UST: variants seen among roughly 807,000 people sequenced by gnomAD.
UST encodes chondroitin sulfate 2-O-sulfotransferase.
UST carries 21 observed loss-of-function variants against 45.6 expected under a neutral mutation model. The ratio of observed to expected loss-of-function variants is 0.46; its 90% CI spans 0.33 to 0.66. The LOEUF is 0.66. UST is among the 30% of genes least tolerant of loss of function. The pLI is 0.02. For synonymous variants in UST, 215 were observed against 200.6 expected, an observed-to-expected ratio of 1.07 and a Z score of -0.61; for missense variants, 463 against 512.4, an observed-to-expected ratio of 0.90 and a Z score of 0.93.
At chr6:148,788,487 T>C (rs967108863) in intron 1 of UST, among the ~76,000 whole-genome samples, 1 of 152,204 alleles carries the variant, frequency 6.6e-6, no homozygotes, top group Non-Finnish European at 1.5e-5. Context: ...AGAAATTTCT[T>C]TAAAAAATGC....
chr6:148,867,700 C>T (rs1292358378), intron 1 of UST, among the ~76,000 whole-genome samples: 1 of 152,116 alleles, frequency 6.6e-6, no homozygotes, highest in Non-Finnish European at 1.5e-5. Context: ...TCACCTTCCG[C>T]CCTGATTGTG....
rs949924982 is a variant in UST, at chr6:149,075,378, GTA to G, written c.*1263_*1264del. The G allele has an allele frequency of 7.2e-5, 11 of 152,126 alleles. No homozygotes were observed. Among genetic ancestry groups the G allele is most frequent in the African/African-American group, 2.2e-4 (9 of 41,404 alleles). 9.4% of individuals were successfully genotyped at this position (152,126 alleles called of 1,614,324 possible). A position where few individuals can be genotyped will look rare whatever the true frequency, so the allele number is the denominator to read the frequency against. ...CGAGAACTACCTGAGTTCTGTGCAG[GTA>G]GAGTCCCATTTCTTATGGGACCTGT... On this transcript the variant is annotated 3_prime_UTR_variant, in exon 8 of 8. Coordinates refer to ENST00000367463, the MANE Select transcript of UST (RefSeq NM_005715.3).
intron 1 of UST, among the ~76,000 whole-genome samples, chr6:148,779,276 G>A (rs1369772868): frequency 1.3e-5 from 2 of 152,172 alleles, no homozygotes; most frequent in African/African-American, 4.8e-5. Flanking sequence ...ATGAAATACA[G>A]TCTTGAGGAG....
At chr6:148,956,319 G>A (rs1314680026) in intron 4 of UST, among the ~76,000 whole-genome samples, 2 of 152,156 alleles carry the variant, frequency 1.3e-5, no homozygotes, top group Non-Finnish European at 2.9e-5. Flanking sequence ...AGTTCCACGT[G>A]GCTGGGGAGG....
At chr6:148,946,177 T>C (rs1043719112) in intron 3 of UST, among the ~76,000 whole-genome samples, 7 of 152,184 alleles carry the variant, frequency 4.6e-5, no homozygotes, top group Non-Finnish European at 8.8e-5. Context: ...GTCTACAGGC[T>C]ACAGGGATCC....
Position 148,747,634 on chromosome 6 carries a change from CG to C in UST, c.209del (p.Gly70AspfsTer41). On this transcript the variant is annotated frameshift_variant, in exon 1 of 8. Coordinates refer to ENST00000367463, the MANE Select transcript of UST (RefSeq NM_005715.3). LOFTEE classifies it high-confidence loss of function. ...TGGGCTCCCTCCTCTATCAGCTCAGCGGGGGACCCCCTCGCTTCCTGCTCGA... is the reference window on the plus strand; with the variant it reads ...TGGGCTCCCTCCTCTATCAGCTCAGCGGGGACCCCCTCGCTTCCTGCTCGA... ...CLGSLLYQLS[G>X]GPPRFLLDLR... The C allele has an allele frequency of 6.2e-7, 1 of 1,600,012 alleles. No homozygotes were observed. The highest frequency in any genetic ancestry group is 1.4e-5 in the African/African-American group (1 of 73,716).
At chr6:148,926,325 A>C (rs1297908184) in intron 2 of UST, among the ~76,000 whole-genome samples, 3 of 152,362 alleles carry the variant, frequency 2.0e-5, no homozygotes, top group African/African-American at 7.2e-5. Context: ...GAATAAAATT[A>C]GCAAAAAATT....
intron 1 of UST, among the ~76,000 whole-genome samples, chr6:148,826,566 T>C (rs548639852): frequency 6.6e-6 from 1 of 152,378 alleles, no homozygotes; most frequent in East Asian, 1.9e-4. Context: ...TCTTCCTAGA[T>C]ACCTAAACTT....
At chr6:148,926,546 A>G (rs561108868) in intron 2 of UST, among the ~76,000 whole-genome samples, 1 of 152,302 alleles carries the variant, frequency 6.6e-6, no homozygotes, top group South Asian at 2.1e-4. Flanking sequence ...CATGGCCCTC[A>G]TGCTTCTTGC....
chr6:149,019,057 T>C (rs1775944264), intron 5 of UST, 82 bp from the exon 6 acceptor site: 2 of 1,063,134 alleles, frequency 1.9e-6, no homozygotes, highest in Non-Finnish European at 2.9e-6. Context: ...AATTCAATCA[T>C]GAATTTTACT....
chr6:148,961,320 G>C (rs1024076950), intron 4 of UST, among the ~76,000 whole-genome samples: 2 of 152,136 alleles, frequency 1.3e-5, no homozygotes, highest in Non-Finnish European at 2.9e-5. Context: ...AGGGTATGTT[G>C]TTGAACAAAA....
Position 149,043,009 on chromosome 6 carries a change from TTCTTTCTTTCTTTTTC to T in UST, c.937+21530_937+21545del, listed in dbSNP as rs1180946737. ...TTTCTTTCTTTCTTTCTTTCTTTCTTTCTTTCTTTCTTTTTCTTTCTTTCTTTCTTTCTTTCCTTCT... is the reference window on the plus strand; with the variant it reads ...TTTCTTTCTTTCTTTCTTTCTTTCTTTTTCTTTCTTTCTTTCTTTCCTTCT... On this transcript the variant is annotated intron_variant, in intron 7 of 7. Coordinates refer to ENST00000367463, the MANE Select transcript of UST (RefSeq NM_005715.3). Among the ~76,000 whole-genome samples, 672 of 118,588 alleles carry T rather than the reference TTCTTTCTTTCTTTTTC, an allele frequency of 5.7e-3. 7 individuals are homozygous for T. Among genetic ancestry groups the T allele is most frequent in the African/African-American group, 0.024 (624 of 26,250 alleles). The allele number at this position is 118,588 out of a possible 152,430, so 77.8% of individuals were successfully genotyped here. A position where few individuals can be genotyped will look rare whatever the true frequency, so the allele number is the denominator to read the frequency against.
chr6:148,789,010 C>T (rs1324193511), intron 1 of UST, among the ~76,000 whole-genome samples: 5 of 152,112 alleles, frequency 3.3e-5, no homozygotes, highest in Non-Finnish European at 7.4e-5. Context: ...TATGCCTGCC[C>T]GTGAATGATA....
intron 7 of UST, among the ~76,000 whole-genome samples, chr6:149,041,470 T>A (rs1776313769): frequency 6.6e-6 from 1 of 152,194 alleles, no homozygotes; most frequent in Non-Finnish European, 1.5e-5. Flanking sequence ...GGAGCTGGGA[T>A]GTTCTACCTT....
chr6:148,957,896 A>G (rs1780552666), intron 4 of UST, among the ~76,000 whole-genome samples: 1 of 152,110 alleles, frequency 6.6e-6, no homozygotes, highest in African/African-American at 2.4e-5. Flanking sequence ...TGACACTGCA[A>G]CCTAATATTA....
intron 1 of UST, among the ~76,000 whole-genome samples, chr6:148,833,896 C>T (rs1258465708): frequency 2.0e-5 from 3 of 152,166 alleles, no homozygotes. Flanking sequence ...TGGCGTAAAC[C>T]GTGACAGTTT....
intron 1 of UST, among the ~76,000 whole-genome samples, chr6:148,803,382 A>G (rs1777086847): frequency 2.0e-5 from 3 of 152,220 alleles, no homozygotes; most frequent in African/African-American, 7.2e-5. Flanking sequence ...GCCAGAGTCC[A>G]TATTCATTTT....
chr6:148,788,619 T>A (rs558307009), intron 1 of UST, among the ~76,000 whole-genome samples: 2 of 152,276 alleles, frequency 1.3e-5, no homozygotes, highest in Non-Finnish European at 2.9e-5. Flanking sequence ...GTGGCTGTGA[T>A]AAAAAATGAT....
chr6:148,860,979 C>T (rs145963515), intron 1 of UST, among the ~76,000 whole-genome samples: 2,070 of 152,158 alleles, frequency 0.014, 31 homozygotes, highest in Admixed American at 0.026. Flanking sequence ...TGTCTCTGCC[C>T]GGCTTTGGTA....
Sources: allele counts gnomAD v4.1 joint callset (sites outside exome capture counted in the v4.1 genomes callset), GRCh38; gene constraint gnomAD v4.1.1; transcripts MANE v1.5; gene names NCBI Gene and HGNC (gene_info 2026-07-23, HGNC 2026-07-21).